The following PTGIS variants were observed in gnomAD, a reference collection of about 807,000 sequenced individuals.
PTGIS encodes the protein prostacyclin synthase.
In PTGIS, 45 loss-of-function variants were observed where a neutral mutation model predicts 50.3. The ratio of observed to expected loss-of-function variants is 0.90; its 90% CI spans 0.70 to 1.15. The LOEUF is 1.15. Ranked by LOEUF, PTGIS falls within the 50% of genes most tolerant of loss-of-function variation. PTGIS has a pLI of 0.00. For synonymous variants in PTGIS, 260 were observed against 267.7 expected (o/e 0.97, Z 0.28); for missense variants, 668 against 661.3 (o/e 1.01, Z -0.11).
Position 49,506,876 on chromosome 20 carries a change from C to T in PTGIS, c.*1044G>A, listed in dbSNP as rs1411158771. The T allele has an allele frequency of 1.3e-5, 2 of 152,240 alleles. No homozygotes were observed. The highest frequency in any genetic ancestry group is 2.4e-5 in the African/African-American group (1 of 41,438). The allele number at this position is 152,240 out of a possible 1,614,324, so 9.4% of individuals were successfully genotyped here. ...CCCTGGTGAAGCCGAGAGCACATGT[C>T]CTGCATAAGGGAGGCGGCTGCCACT... On this transcript the variant is annotated 3_prime_UTR_variant, in exon 10 of 10. Coordinates refer to ENST00000244043, the MANE Select transcript of PTGIS (RefSeq NM_000961.4).
At chr20:49,549,566 G>A (rs1982451955) in intron 2 of PTGIS, among the ~76,000 whole-genome samples, 1 of 151,156 alleles carries the variant, frequency 6.6e-6, no homozygotes, top group Non-Finnish European at 1.5e-5. Context: ...GGGTAGATCT[G>A]GGCAGACACA....
Position 49,508,009 on chromosome 20 carries a change from C to A in PTGIS, c.1414G>T (p.Glu472Ter). Residue 472 changes from glutamate to a stop codon, truncating the protein, a stop_gained, in exon 10 of 10, where the codon GAG becomes TAG. Coordinates refer to ENST00000244043, the MANE Select transcript of PTGIS (RefSeq NM_000961.4). LOFTEE classifies it high-confidence loss of function. ...LDLELINADV[E>*]IPEFDLSRYG... ...CTGCTGAGGTCAAACTCAGGGATCT[C>A]CACATCTGCGTTGATCAGCTCCAAG... 1 of 1,613,962 alleles carries A rather than the reference C, an allele frequency of 6.2e-7. No homozygotes were observed. The highest frequency in any genetic ancestry group is 8.5e-7 in the Non-Finnish European group (1 of 1,180,022).
At chr20:49,537,714 C>T (rs972646998) in intron 5 of PTGIS, among the ~76,000 whole-genome samples, 1 of 152,096 alleles carries the variant, frequency 6.6e-6, no homozygotes, top group Admixed American at 6.5e-5. Flanking sequence ...GAGATTGTGC[C>T]GCTGCATTCC....
At chr20:49,526,138 T>C (rs1981788628) in intron 5 of PTGIS, among the ~76,000 whole-genome samples, 1 of 152,222 alleles carries the variant, frequency 6.6e-6, no homozygotes, top group Admixed American at 6.5e-5. Flanking sequence ...AATCTCTGGA[T>C]GCCCAGGTGC....
chr20:49,530,146 C>A (rs1158834015), intron 5 of PTGIS, among the ~76,000 whole-genome samples: 3 of 100,770 alleles, frequency 3.0e-5, no homozygotes, highest in East Asian at 3.0e-4. Flanking sequence ...AAAAACGAAA[C>A]TCTGTCTCAA....
At chr20:49,535,328 C>A (rs567808689) in intron 5 of PTGIS, among the ~76,000 whole-genome samples, 5 of 152,110 alleles carry the variant, frequency 3.3e-5, no homozygotes, top group Non-Finnish European at 5.9e-5. Context: ...GGGCCTTTGA[C>A]CTGGCAAAAC....
At chr20:49,533,800 A>G (rs1032300011) in intron 5 of PTGIS, among the ~76,000 whole-genome samples, 9 of 152,070 alleles carry the variant, frequency 5.9e-5, no homozygotes, top group Non-Finnish European at 1.0e-4. Context: ...CTACTAAAAA[A>G]GTACAAACAC....
chr20:49,528,354 G>A (rs1981843535), intron 5 of PTGIS, among the ~76,000 whole-genome samples: 1 of 152,144 alleles, frequency 6.6e-6, no homozygotes, highest in Admixed American at 6.5e-5. Context: ...GCTCACTCCT[G>A]TAATCCCAGC....
intron 1 of PTGIS, among the ~76,000 whole-genome samples, chr20:49,562,766 C>A (rs1389456353): frequency 6.6e-6 from 1 of 152,222 alleles, no homozygotes; most frequent in African/African-American, 2.4e-5. Context: ...CACTCACTGA[C>A]CCCTGTCGCC....
At chr20:49,509,026 T>C (rs1981238730) in intron 9 of PTGIS, among the ~76,000 whole-genome samples, 1 of 151,986 alleles carries the variant, frequency 6.6e-6, no homozygotes, top group Non-Finnish European at 1.5e-5. Flanking sequence ...ACTGAAGGAG[T>C]GAAGAAGAGG....
At chr20:49,549,622 A>G (rs1020913334) in intron 2 of PTGIS, among the ~76,000 whole-genome samples, 32 of 152,304 alleles carry the variant, frequency 2.1e-4, no homozygotes, top group African/African-American at 7.7e-4. Context: ...TGTCGGGTGA[A>G]TCTATGGAAA....
At position 49,506,329 on chromosome 20, in the gene PTGIS, T is replaced by TA. The variant is rs1256623462; in HGVS notation, c.*1590dup. 1 of 152,182 alleles carries TA rather than the reference T, an allele frequency of 6.6e-6. No individual in the cohort carries two copies. Among genetic ancestry groups the TA allele is most frequent in the African/African-American group, 2.4e-5 (1 of 41,452 alleles). 9.4% of individuals were successfully genotyped at this position (152,182 alleles called of 1,614,324 possible). On this transcript the variant is annotated 3_prime_UTR_variant, in exon 10 of 10. Transcript: ENST00000244043. ...CTTTATATTAATAAAAATAGCATCATAAAAAAGGTTTGCAGGCCATTTTTC... is the reference window on the plus strand; with the variant it reads ...CTTTATATTAATAAAAATAGCATCATAAAAAAAGGTTTGCAGGCCATTTTTC...
intron 4 of PTGIS, among the ~76,000 whole-genome samples, chr20:49,541,974 T>C (rs1982243114): frequency 6.6e-6 from 1 of 152,002 alleles, no homozygotes; most frequent in Non-Finnish European, 1.5e-5. Context: ...AAAATGGGAC[T>C]CAAGAAAGAC....
At chr20:49,545,207 A>G (rs1982327207) in intron 3 of PTGIS, among the ~76,000 whole-genome samples, 2 of 152,170 alleles carry the variant, frequency 1.3e-5, no homozygotes, top group Admixed American at 1.3e-4. Flanking sequence ...AGAGTTCAAG[A>G]CCAGCCTGGG....
chr20:49,512,959 C>G, intron 8 of PTGIS, 121 bp downstream of exon 8: 1 of 1,224,512 alleles, frequency 8.2e-7, no homozygotes, highest in Non-Finnish European at 1.2e-6. Flanking sequence ...GTGAAGCAAT[C>G]TGGGCAATGT....
chr20:49,546,830 T>C (rs1982373093), intron 3 of PTGIS, among the ~76,000 whole-genome samples: 1 of 152,218 alleles, frequency 6.6e-6, no homozygotes, highest in Admixed American at 6.5e-5. Flanking sequence ...GTTGGCACCG[T>C]TCTGCACACC....
chr20:49,535,177 C>T (rs1982037670), intron 5 of PTGIS, among the ~76,000 whole-genome samples: 1 of 152,214 alleles, frequency 6.6e-6, no homozygotes. Flanking sequence ...AAGTTACCCA[C>T]CTCTGCCCAT....
rs1223153170 is a variant in PTGIS, at chr20:49,560,664, G to A, written c.74+7379C>T. On this transcript the variant is annotated intron_variant, in intron 1 of 9. Transcript: ENST00000244043. Reference sequence around the variant, plus strand: ...AAGACCAGAAGGATGTGAAGGGAGTGCTCTGGGAGGGGCAGGGAGAAGAGT... The same window carrying A: ...AAGACCAGAAGGATGTGAAGGGAGTACTCTGGGAGGGGCAGGGAGAAGAGT... Among the ~76,000 whole-genome samples, 4 of 152,258 alleles carry A rather than the reference G, an allele frequency of 2.6e-5. No homozygotes were observed. In the South Asian group the frequency reaches 6.2e-4, roughly 24 times the overall value.
At chr20:49,514,002 A>G (rs1237931392) in intron 7 of PTGIS, among the ~76,000 whole-genome samples, 2 of 152,176 alleles carry the variant, frequency 1.3e-5, no homozygotes, top group Non-Finnish European at 2.9e-5. Context: ...GTCTCAAAGT[A>G]CCTTTTCACC....
Sources: allele counts gnomAD v4.1 joint callset (sites outside exome capture counted in the v4.1 genomes callset), GRCh38; gene constraint gnomAD v4.1.1; transcripts MANE v1.5; gene names NCBI Gene and HGNC (gene_info 2026-07-23, HGNC 2026-07-21).